PSEN1: variants seen among roughly 807,000 people sequenced by gnomAD.
The protein encoded by PSEN1 is presenilin-1.
Under a neutral mutation model 53.5 loss-of-function variants are expected in PSEN1, and 15 were observed. The ratio of observed to expected loss-of-function variants is 0.28; its 90% CI spans 0.19 to 0.43. PSEN1 has a LOEUF of 0.43. PSEN1 is among the 20% of genes least tolerant of loss of function. The pLI is 1.00. For synonymous variants in PSEN1, 208 were observed against 209.8 expected, an observed-to-expected ratio of 0.99 and a Z score of 0.08; for missense variants, 387 against 571.2, an observed-to-expected ratio of 0.68 and a Z score of 3.29.
At chr14:73,160,715 ATCT>A (rs1197203546) in intron 3 of PSEN1, among the ~76,000 whole-genome samples, 2 of 149,972 alleles carry the variant, frequency 1.3e-5, no homozygotes, top group African/African-American at 4.9e-5. Context: ...CTATTTGTAT[ATCT>A]TCTTTGAAGA....
At chr14:73,141,564 G>A (rs1245932708) in intron 1 of PSEN1, among the ~76,000 whole-genome samples, 5 of 151,692 alleles carry the variant, frequency 3.3e-5, no homozygotes, top group Non-Finnish European at 2.9e-5. Context: ...TGGATCACCT[G>A]AGGTCAGGAG....
chr14:73,222,759 T>G lies in PSEN1; in HGVS notation c.*3470T>G, dbSNP rs902885604. The G allele has an allele frequency of 6.6e-6, 1 of 152,238 alleles. No homozygotes were observed. Among genetic ancestry groups the G allele is most frequent in the Admixed American group, 6.5e-5 (1 of 15,282 alleles). 9.4% of individuals were successfully genotyped at this position (152,238 alleles called of 1,614,324 possible). ...AATAACCACTTTTAACAGTTACCAT[T>G]ACTGAGGGCTTATACATTGGTGTTA... On this transcript the variant is annotated 3_prime_UTR_variant, in exon 12 of 12. Transcript: ENST00000324501.
intron 10 of PSEN1, among the ~76,000 whole-genome samples, chr14:73,215,592 C>T (rs1899881126): frequency 6.6e-6 from 1 of 150,860 alleles, no homozygotes; most frequent in Non-Finnish European, 1.5e-5. Flanking sequence ...ATATGCAAAT[C>T]ATATTGAAGT....
intron 3 of PSEN1, 67 bp from the exon 4 acceptor site, chr14:73,170,730 G>A: frequency 6.4e-7 from 1 of 1,565,706 alleles, no homozygotes; most frequent in Non-Finnish European, 8.8e-7. Flanking sequence ...GTTAATCCCA[G>A]GTCTAACCGT....
chr14:73,216,451 A>G (rs1324598696), intron 10 of PSEN1, among the ~76,000 whole-genome samples: 1 of 152,170 alleles, frequency 6.6e-6, no homozygotes, highest in Non-Finnish European at 1.5e-5. Flanking sequence ...TCATAGTCCA[A>G]TGAAGCTTTT....
At chr14:73,196,642 T>A (rs1898958511) in intron 7 of PSEN1, among the ~76,000 whole-genome samples, 1 of 151,372 alleles carries the variant, frequency 6.6e-6, no homozygotes, top group African/African-American at 2.4e-5. Flanking sequence ...AGCTGCTAAT[T>A]TTTTGTATTT....
chr14:73,218,568 T>G (rs995768171), intron 11 of PSEN1, among the ~76,000 whole-genome samples: 1 of 152,136 alleles, frequency 6.6e-6, no homozygotes, highest in South Asian at 2.1e-4. Context: ...AAATAAACTT[T>G]TAGTTTATTT....
intron 1 of PSEN1, among the ~76,000 whole-genome samples, chr14:73,142,079 A>AG (rs1480662554): frequency 3.3e-5 from 5 of 151,958 alleles, no homozygotes; most frequent in African/African-American, 1.2e-4. Context: ...AAAAAAAAAA[A>AG]AGAAAAGAAA....
At chr14:73,159,221 AC>A (rs1293617645) in intron 3 of PSEN1, among the ~76,000 whole-genome samples, 1 of 150,056 alleles carries the variant, frequency 6.7e-6, no homozygotes, top group Non-Finnish European at 1.5e-5. Context: ...TTGCCCTGTC[AC>A]CCAGGCTGGA....
At chr14:73,169,157 G>A (rs1228306467) in intron 3 of PSEN1, 1 of 152,140 alleles carries the variant, frequency 6.6e-6, no homozygotes, top group Admixed American at 6.5e-5. Flanking sequence ...GGTCTTTTTA[G>A]CTCTCATCCT....
At chr14:73,198,554 G>T (rs973485930) in intron 8 of PSEN1, among the ~76,000 whole-genome samples, 1 of 152,056 alleles carries the variant, frequency 6.6e-6, no homozygotes, top group African/African-American at 2.4e-5. Flanking sequence ...TGAATTGGTG[G>T]GTTGGATACT....
chr14:73,146,612 A>C (rs916970907), intron 1 of PSEN1, among the ~76,000 whole-genome samples: 9 of 152,316 alleles, frequency 5.9e-5, no homozygotes, highest in African/African-American at 2.2e-4. Flanking sequence ...TTTGAATGAT[A>C]CAAATATAAG....
intron 9 of PSEN1, among the ~76,000 whole-genome samples, chr14:73,210,032 G>T (rs1899615813): frequency 6.6e-6 from 1 of 152,200 alleles, no homozygotes; most frequent in African/African-American, 2.4e-5. Flanking sequence ...CGGAAGGGAG[G>T]TGCTATCCCT....
Position 73,175,157 on chromosome 14 carries a change from G to A in PSEN1, c.480+1450G>A, listed in dbSNP as rs1175235123. On this transcript the variant is annotated intron_variant, in intron 5 of 11. Coordinates refer to ENST00000324501, the MANE Select transcript of PSEN1 (RefSeq NM_000021.4). Reference sequence around the variant, plus strand: ...GTTTTTTTCCCCGAGACGAAGTCTCGCTCTTGTCCCGCAGGCTGGAGTGTG... The same window carrying A: ...GTTTTTTTCCCCGAGACGAAGTCTCACTCTTGTCCCGCAGGCTGGAGTGTG... Among the ~76,000 whole-genome samples the A allele has an allele frequency of 2.6e-5, 4 of 151,914 alleles. No homozygotes were observed. In the South Asian group the frequency reaches 6.2e-4, roughly 24 times the overall value.
chr14:73,171,333 CGCCCATTGCTCTTCT>C (rs1348800597), intron 4 of PSEN1, among the ~76,000 whole-genome samples: 1 of 152,186 alleles, frequency 6.6e-6, no homozygotes, highest in African/African-American at 2.4e-5. Flanking sequence ...GGCCATTGGG[CGCCCATTGCTCTTCT>C]GCCTAGAATA....
chr14:73,180,806 CAT>C (rs1299071565), intron 5 of PSEN1, among the ~76,000 whole-genome samples: 1 of 152,084 alleles, frequency 6.6e-6, no homozygotes, highest in South Asian at 2.1e-4. Context: ...GTGTGTATAA[CAT>C]AGTAATAAAA....
chr14:73,173,442 G>C (rs1382023294), intron 4 of PSEN1, 124 bp from the exon 5 acceptor site: 1 of 973,728 alleles, frequency 1.0e-6, no homozygotes, highest in Non-Finnish European at 1.6e-6. Flanking sequence ...TGGTGAGTTG[G>C]GGAAAAGTGA....
At chr14:73,212,056 G>A (rs1425545372) in intron 10 of PSEN1, 114 bp downstream of exon 10, 2 of 409,852 alleles carry the variant, frequency 4.9e-6, no homozygotes, top group South Asian at 3.9e-5. Flanking sequence ...TATATCACAT[G>A]TAACTTTTAT....
intron 1 of PSEN1, among the ~76,000 whole-genome samples, chr14:73,146,279 C>T (rs1178567084): frequency 6.7e-6 from 1 of 149,986 alleles, no homozygotes; most frequent in Admixed American, 6.7e-5. Context: ...CCTCTAATTC[C>T]TGGACTCAAG....
Sources: gnomAD v4.1 joint callset for allele counts (sites outside exome capture counted in the v4.1 genomes callset) on GRCh38, gnomAD v4.1.1 for gene constraint, MANE v1.5 for transcripts, NCBI Gene and HGNC (gene_info 2026-07-23, HGNC 2026-07-21) for gene names.